Variants in STK33 observed in about 807,000 individuals in gnomAD.
STK33 encodes serine/threonine-protein kinase 33.
In STK33, 52 loss-of-function variants were observed where a neutral mutation model predicts 58.0. The observed-to-expected ratio is 0.90, with a 90% CI of 0.72 to 1.13. The LOEUF (loss-of-function observed/expected upper bound fraction) is 1.13, where lower values mean the gene tolerates loss of function less well. Among genes scored for constraint, STK33 ranks in the 50% most tolerant of loss-of-function variants. The pLI is 0.00. For missense variants in STK33, 630 were observed against 604.2 expected (o/e 1.04, Z -0.45); for synonymous variants, 215 against 200.1 (o/e 1.07, Z -0.63).
At chr11:8,442,678 T>C (rs935647922) in intron 11 of STK33, among the ~76,000 whole-genome samples, 1 of 152,180 alleles carries the variant, frequency 6.6e-6, no homozygotes, top group Non-Finnish European at 1.5e-5. Context: ...AACAGGGGGA[T>C]ATGAACAGAA....
the STK33 span, among the ~76,000 whole-genome samples, chr11:8,384,841 G>A: frequency 4.6e-5 from 7 of 152,056 alleles, no homozygotes; most frequent in African/African-American, 1.2e-4. Flanking sequence ...GGCCACTACC[G>A]GACTCCGCGC....
chr11:8,513,091 T>C (rs1256780161), intron 1 of STK33, among the ~76,000 whole-genome samples: 1 of 152,212 alleles, frequency 6.6e-6, no homozygotes, highest in Non-Finnish European at 1.5e-5. Context: ...TAATGATGCA[T>C]ATAAGTTGCT....
downstream of STK33, among the ~76,000 whole-genome samples, chr11:8,389,842 G>A (rs1420159595): frequency 2.0e-5 from 3 of 152,124 alleles, no homozygotes; most frequent in African/African-American, 7.2e-5. Context: ...CAACTTTGTG[G>A]CTGACTCTTA....
At chr11:8,584,994 C>A (rs188652339) in intron 1 of STK33, among the ~76,000 whole-genome samples, 1 of 149,678 alleles carries the variant, frequency 6.7e-6, no homozygotes, top group East Asian at 2.0e-4. Flanking sequence ...GCGATCTCAG[C>A]TGACTGCAAC....
intron 14 of STK33, among the ~76,000 whole-genome samples, chr11:8,427,598 T>C (rs1942929544): frequency 6.6e-6 from 1 of 152,112 alleles, no homozygotes; most frequent in Non-Finnish European, 1.5e-5. Flanking sequence ...TTTGGCACTT[T>C]TACTTTTAAC....
the STK33 span, among the ~76,000 whole-genome samples, chr11:8,356,005 A>G: frequency 2.6e-5 from 4 of 152,194 alleles, no homozygotes; most frequent in Admixed American, 2.6e-4. Context: ...CTTGAGTAAC[A>G]GGGAGTAAAA....
chr11:8,398,408 T>G (rs1849759168), intron 15 of STK33, among the ~76,000 whole-genome samples: 1 of 152,080 alleles, frequency 6.6e-6, no homozygotes. Context: ...GACAAGCAAA[T>G]GCTGAGAGAT....
At chr11:8,547,914 A>C (rs910760864) in intron 1 of STK33, among the ~76,000 whole-genome samples, 4 of 151,904 alleles carry the variant, frequency 2.6e-5, no homozygotes, top group African/African-American at 9.7e-5. Flanking sequence ...TCACAAGGAC[A>C]GAAAACCAAA....
chr11:8,511,558 T>C (rs367982697), intron 1 of STK33, among the ~76,000 whole-genome samples: 1 of 152,288 alleles, frequency 6.6e-6, no homozygotes, highest in East Asian at 1.9e-4. Context: ...CTTGTTCCAA[T>C]TCTCAAGGGA....
chr11:8,397,479 G>C (rs1849566224), intron 15 of STK33, among the ~76,000 whole-genome samples: 1 of 152,090 alleles, frequency 6.6e-6, no homozygotes, highest in South Asian at 2.1e-4. Flanking sequence ...CATCATCAAA[G>C]ACCAAAGGTA....
chr11:8,347,411 C>T, the STK33 span, among the ~76,000 whole-genome samples: 2 of 152,310 alleles, frequency 1.3e-5, no homozygotes, highest in East Asian at 1.9e-4. Flanking sequence ...TGATAACAAA[C>T]GCTCCCCAAA....
intron 1 of STK33, among the ~76,000 whole-genome samples, chr11:8,481,122 G>C (rs1286789175): frequency 2.0e-5 from 3 of 152,038 alleles, no homozygotes; most frequent in Non-Finnish European, 4.4e-5. Flanking sequence ...ATTCTGACTT[G>C]GATGTTTCAT....
Position 8,465,579 on chromosome 11 carries a change from G to C in STK33, c.340-757C>G, listed in dbSNP as rs560383985. 3 of 152,282 alleles carry C rather than the reference G, an allele frequency of 2.0e-5. No homozygotes were observed. In the South Asian group the frequency reaches 6.2e-4, roughly 32 times the overall value. The allele number at this position is 152,282 out of a possible 1,614,324, so 9.4% of individuals were successfully genotyped here. A position where few individuals can be genotyped will look rare whatever the true frequency, so the allele number is the denominator to read the frequency against. The stretch of plus-strand genomic sequence containing the variant: ...TATCAATTTGGTTTTGGGGGAGTCA[G>C]TCTCCCTGATCCAAATCAACTCCAG... On this transcript the variant is annotated intron_variant, in intron 6 of 15. Transcript: ENST00000687296.
At chr11:8,355,002 G>C in the STK33 span, among the ~76,000 whole-genome samples, 38 of 152,386 alleles carry the variant, frequency 2.5e-4, 1 homozygote, top group East Asian at 6.9e-3. Context: ...AAAGCTGCTG[G>C]AGCTGCCTGG....
At chr11:8,519,932 C>T (rs1365279194) in intron 1 of STK33, among the ~76,000 whole-genome samples, 4 of 152,214 alleles carry the variant, frequency 2.6e-5, no homozygotes, top group Non-Finnish European at 5.9e-5. Flanking sequence ...GAGCTGGTAC[C>T]ATTCCTTCTG....
chr11:8,519,810 G>A (rs1293554670), intron 1 of STK33, among the ~76,000 whole-genome samples: 2 of 152,084 alleles, frequency 1.3e-5, no homozygotes, highest in African/African-American at 4.8e-5. Flanking sequence ...TTGAATCCCT[G>A]AATAGACCAA....
chr11:8,590,725 T>C (rs1412429058), intron 1 of STK33, among the ~76,000 whole-genome samples: 1 of 152,180 alleles, frequency 6.6e-6, no homozygotes, highest in Non-Finnish European at 1.5e-5. Context: ...AGAAAATATA[T>C]ATTAAAGCTT....
chr11:8,355,876 CCATCAT>C, the STK33 span, among the ~76,000 whole-genome samples: 1 of 152,210 alleles, frequency 6.6e-6, no homozygotes, highest in South Asian at 2.1e-4. Flanking sequence ...ATCACCATCA[CCATCAT>C]CATCACAGTT....
chr11:8,442,087 C>T (rs1426586961), intron 11 of STK33, among the ~76,000 whole-genome samples: 2 of 150,976 alleles, frequency 1.3e-5, no homozygotes, highest in Non-Finnish European at 3.0e-5. Context: ...CTACTAAAAG[C>T]AAATGGAATT....
Sources: allele counts gnomAD v4.1 joint callset (sites outside exome capture counted in the v4.1 genomes callset), GRCh38; gene constraint gnomAD v4.1.1; transcripts MANE v1.5; gene names NCBI Gene and HGNC (gene_info 2026-07-23, HGNC 2026-07-21).